The following DTNB variants were observed in gnomAD, a reference collection of about 807,000 sequenced individuals.
The protein encoded by DTNB is dystrobrevin beta, also known as DTN-B.
In DTNB, 63 loss-of-function variants were observed where a neutral mutation model predicts 90.7. The observed-to-expected ratio is 0.69, with a 90% CI of 0.57 to 0.86. DTNB has a LOEUF of 0.86. Among genes scored for constraint, DTNB ranks in the 40% least tolerant of loss-of-function variants. The probability of loss-of-function intolerance (pLI) is 0.00; values close to 1 mark genes in which losing one functional copy is unlikely to be tolerated. For missense variants in DTNB, 744 were observed against 807.1 expected (o/e 0.92, Z 0.95); for synonymous variants, 277 against 286.7 (o/e 0.97, Z 0.34).
intron 4 of DTNB, among the ~76,000 whole-genome samples, chr2:25,623,518 C>T (rs1453126396): frequency 6.6e-6 from 1 of 152,152 alleles, no homozygotes; most frequent in Non-Finnish European, 1.5e-5. Flanking sequence ...AAGGCTTCAC[C>T]TAAAGGTAAT....
intron 4 of DTNB, among the ~76,000 whole-genome samples, chr2:25,623,700 G>A (rs192949039): frequency 6.6e-6 from 1 of 152,240 alleles, no homozygotes; most frequent in African/African-American, 2.4e-5. Context: ...GCAATATAAT[G>A]TTTGGTATAT....
At chr2:25,385,026 G>C (rs1193416568) in intron 18 of DTNB, among the ~76,000 whole-genome samples, 1 of 151,890 alleles carries the variant, frequency 6.6e-6, no homozygotes, top group Non-Finnish European at 1.5e-5. Context: ...TTACAGACAT[G>C]CACCACCATG....
At chr2:25,381,208 CGTGTGT>C (rs141187034) in intron 19 of DTNB, among the ~76,000 whole-genome samples, 11 of 151,998 alleles carry the variant, frequency 7.2e-5, no homozygotes, top group South Asian at 2.1e-4. Context: ...TGTGCGTGTG[CGTGTGT>C]GTGCGCGTGT....
At chr2:25,384,322 T>G (rs572687384) in intron 18 of DTNB, among the ~76,000 whole-genome samples, 2 of 152,262 alleles carry the variant, frequency 1.3e-5, no homozygotes, top group South Asian at 4.1e-4. Context: ...ATTCCGTATG[T>G]TTTAGCTGAT....
chr2:25,559,732 T>C (rs910257002), intron 8 of DTNB, among the ~76,000 whole-genome samples: 1 of 152,126 alleles, frequency 6.6e-6, no homozygotes, highest in Non-Finnish European at 1.5e-5. Context: ...CTTAAGAATC[T>C]AGATGGGAGA....
chr2:25,590,525 G>T (rs1257234948), intron 6 of DTNB, among the ~76,000 whole-genome samples: 5 of 151,956 alleles, frequency 3.3e-5, no homozygotes, highest in Non-Finnish European at 7.4e-5. Context: ...TCGTCCTGAT[G>T]TCTCTTCAGC....
At chr2:25,382,519 CTTTTTTTTT>C (rs3041261) in intron 19 of DTNB, among the ~76,000 whole-genome samples, 45 of 72,054 alleles carry the variant, frequency 6.2e-4, no homozygotes, top group East Asian at 3.4e-3. Flanking sequence ...AGTTCTCTGC[CTTTTTTTTT>C]TTTTTTTTTT....
chr2:25,457,836 T>C (rs1170876609), intron 10 of DTNB, among the ~76,000 whole-genome samples: 1 of 152,072 alleles, frequency 6.6e-6, no homozygotes, highest in Non-Finnish European at 1.5e-5. Context: ...TGATGTTAAT[T>C]ATTATTATTA....
At chr2:25,496,949 G>A (rs773336230) in intron 9 of DTNB, among the ~76,000 whole-genome samples, 8 of 152,008 alleles carry the variant, frequency 5.3e-5, no homozygotes, top group Non-Finnish European at 1.2e-4. Flanking sequence ...ATCATCATTA[G>A]CCCAGTGCTT....
chr2:25,672,457 C>T (rs1374772645), intron 1 of DTNB, among the ~76,000 whole-genome samples: 1 of 152,094 alleles, frequency 6.6e-6, no homozygotes, highest in Non-Finnish European at 1.5e-5. Context: ...AGGAAACTTC[C>T]TTTCTTTCCA....
intron 10 of DTNB, among the ~76,000 whole-genome samples, chr2:25,461,632 C>T (rs994930449): frequency 6.6e-6 from 1 of 152,132 alleles, no homozygotes; most frequent in Admixed American, 6.5e-5. Flanking sequence ...GTTCTAACAG[C>T]ATTACTGATG....
intron 4 of DTNB, among the ~76,000 whole-genome samples, chr2:25,608,703 C>T (rs573066978): frequency 6.6e-6 from 1 of 152,134 alleles, no homozygotes; most frequent in Non-Finnish European, 1.5e-5. Flanking sequence ...ACACCAAGCA[C>T]TTGAAAGCTG....
chr2:25,413,495 T>A (rs1574040881), intron 16 of DTNB, among the ~76,000 whole-genome samples: 1 of 144,646 alleles, frequency 6.9e-6, no homozygotes, highest in South Asian at 2.2e-4. Flanking sequence ...AATTCCCACC[T>A]ATGAGTGAGA....
rs17047120 is a variant in DTNB, at chr2:25,650,666, T to A, written c.67+1928A>T. ...AAGTAAAGGAATGTAAGCAAAGAAGTAGCACAGATTTAGGCCAGGCACAGT... is the reference window on the plus strand; with the variant it reads ...AAGTAAAGGAATGTAAGCAAAGAAGAAGCACAGATTTAGGCCAGGCACAGT... On this transcript the variant is annotated intron_variant, in intron 2 of 20. Coordinates refer to ENST00000406818, the MANE Select transcript of DTNB (RefSeq NM_021907.5). 9.4e-3 allele frequency among the ~76,000 whole-genome samples: 1,433 copies of A among 152,210 alleles called. 27 individuals are homozygous for A. Among genetic ancestry groups the A allele is most frequent in the African/African-American group, 0.032 (1,332 of 41,532 alleles).
chr2:25,478,746 T>C (rs2064270634), intron 10 of DTNB, among the ~76,000 whole-genome samples: 1 of 152,150 alleles, frequency 6.6e-6, no homozygotes, highest in African/African-American at 2.4e-5. Flanking sequence ...ACGGGCATGG[T>C]CCCTCACATA....
chr2:25,544,082 ATT>A (rs1181956196), intron 8 of DTNB, among the ~76,000 whole-genome samples: 1 of 152,136 alleles, frequency 6.6e-6, no homozygotes, highest in Non-Finnish European at 1.5e-5. Context: ...GAGGCATTCT[ATT>A]TCTTAGAAAG....
rs778904817 is a variant in DTNB at position 25,388,224 on chromosome 2, G to A, written c.1713C>T (p.Asp571=). The part of the protein sequence containing the change: ...PQDSLSGVGG[D]VQEAFAQGTR... ...CACCTTGTGCGAAGGCCTCCTGCAC[G>A]TCTCCCCCGACTCCGCTCAGCGAGT... The change falls in exon 17 of 21, where the codon GAC becomes GAT. Residue 571 remains aspartate (D), a synonymous_variant. Transcript: ENST00000406818. 51 of 1,586,216 alleles carry A rather than the reference G, an allele frequency of 3.2e-5. No homozygotes were observed. Among genetic ancestry groups the A allele is most frequent in the Non-Finnish European group, 4.3e-5 (50 of 1,166,752 alleles).
chr2:25,576,175 C>G (rs569217709), intron 8 of DTNB, among the ~76,000 whole-genome samples: 1 of 150,180 alleles, frequency 6.7e-6, no homozygotes, highest in African/African-American at 2.5e-5. Flanking sequence ...TTACTTAGAG[C>G]TCAAAAGAAT....
intron 8 of DTNB, among the ~76,000 whole-genome samples, chr2:25,537,712 T>C (rs1051386494): frequency 1.3e-5 from 2 of 152,174 alleles, no homozygotes; most frequent in East Asian, 3.9e-4. Flanking sequence ...TAAGCAAGAG[T>C]TTGAAAAATG....
Sources: allele counts gnomAD v4.1 joint callset (sites outside exome capture counted in the v4.1 genomes callset), GRCh38; gene constraint gnomAD v4.1.1; transcripts MANE v1.5; gene names NCBI Gene and HGNC (gene_info 2026-07-23, HGNC 2026-07-21).